Variants in CCT3 observed in about 807,000 individuals in gnomAD.
CCT3 encodes chaperonin containing TCP1 subunit 3.
A neutral mutation model predicts 65.3 loss-of-function variants in CCT3; 10 were observed. The ratio of observed to expected loss-of-function variants is 0.15; its 90% CI spans 0.09 to 0.26. The LOEUF is 0.26. Among genes scored for constraint, CCT3 ranks in the 10% least tolerant of loss-of-function variants. The probability of loss-of-function intolerance (pLI) is 1.00; values close to 1 mark genes in which losing one functional copy is unlikely to be tolerated. For synonymous variants in CCT3, 225 were observed against 242.3 expected (o/e 0.93, Z 0.66); for missense variants, 626 against 708.7 (o/e 0.88, Z 1.33).
intron 5 of CCT3, chr1:156,332,522 C>T (rs530886064): frequency 1.3e-5 from 2 of 152,298 alleles, no homozygotes; most frequent in African/African-American, 4.8e-5. Flanking sequence ...AATCAACATT[C>T]ATGACACTTT....
rs758871657 is a variant in CCT3, at chr1:156,319,001, A to G, written c.626T>C (p.Ile209Thr). The G allele has an allele frequency of 6.2e-7, 1 of 1,610,592 alleles. No individual in the cohort carries two copies. Residue 209 changes from isoleucine to threonine, a missense_variant, in exon 8 of 14, where the codon ATT becomes ACT. Physicochemically the swap from Ile to Thr is moderately conservative, Grantham distance 89. Transcript: ENST00000295688. ...TCCACGCAAGACACAGGAGTCTTCA[A>G]TGATGCCTCCAGGTATCTGAACAAA... ...ARVEKIPGGIIEDSCVLRGVM... is the reference protein window; with the variant it reads ...ARVEKIPGGITEDSCVLRGVM...
Position 156,317,431 on chromosome 1 carries a change from A to T in CCT3, c.876T>A (p.Thr292=). The change falls in exon 9 of 14, where the codon ACT becomes ACA. Residue 292 remains threonine (T), a synonymous_variant. Coordinates refer to ENST00000295688, the MANE Select transcript of CCT3 (RefSeq NM_005998.5). ...AAGTCCCACCTGAGATGCCCTTTTCAGTGATGACCACATCGGGCTTCAGTT... is the reference window on the plus strand; with the variant it reads ...AAGTCCCACCTGAGATGCCCTTTTCTGTGATGACCACATCGGGCTTCAGTT... ...IIQLKPDVVI[T]EKGISDLAQH... 6.2e-7 allele frequency: 1 copy of T among 1,611,504 alleles called. No homozygotes were observed. The highest frequency in any genetic ancestry group is 8.5e-7 in the Non-Finnish European group (1 of 1,177,818).
rs538321521 is a variant in CCT3 at position 156,328,992 on chromosome 1, G to A, written c.305-3903C>T. ...AAAAATAATCAAAAAATACAGTCAC[G>A]TACCATTTAATGTTTCAGCCAACAA... is the stretch of plus-strand genomic sequence containing the variant. On this transcript the variant is annotated intron_variant, in intron 5 of 13. Coordinates refer to ENST00000295688, the MANE Select transcript of CCT3 (RefSeq NM_005998.5). Among the ~76,000 whole-genome samples the A allele has an allele frequency of 7.9e-5, 12 of 152,186 alleles. No individual in the cohort carries two copies. In the South Asian group the frequency reaches 1.2e-3, roughly 16 times the overall value.
intron 8 of CCT3, among the ~76,000 whole-genome samples, chr1:156,318,224 ATTTTTTTT>A (rs58622068): frequency 7.7e-6 from 1 of 130,562 alleles, no homozygotes; most frequent in East Asian, 2.3e-4. Context: ...GCCCTCTAGA[ATTTTTTTT>A]TTTTTTTTTT....
intron 4 of CCT3, among the ~76,000 whole-genome samples, 158 bp downstream of exon 4, chr1:156,334,555 T>C (rs1262744432): frequency 1.3e-5 from 2 of 152,226 alleles, no homozygotes; most frequent in African/African-American, 4.8e-5. Context: ...TCTAGCTTCA[T>C]TCTATAAGAT....
At chr1:156,336,045 T>C (rs534324040) in intron 1 of CCT3, 157 bp from the exon 2 acceptor site, 20 of 530,478 alleles carry the variant, frequency 3.8e-5, no homozygotes, top group Admixed American at 6.9e-5. Flanking sequence ...TGCAGTTTAT[T>C]ATATGTCAAC....
At chr1:156,315,572 A>G (rs1351165865) in intron 10 of CCT3, among the ~76,000 whole-genome samples, 1 of 152,184 alleles carries the variant, frequency 6.6e-6, no homozygotes, top group Non-Finnish European at 1.5e-5. Context: ...AGTATATAAC[A>G]CATATGATAT....
intron 5 of CCT3, among the ~76,000 whole-genome samples, chr1:156,328,035 GA>G (rs1664915231): frequency 2.4e-4 from 1 of 4,110 alleles, no homozygotes; most frequent in African/African-American, 9.2e-4. Flanking sequence ...GTCCGGGAGG[GA>G]GGTGGGGGTC....
chr1:156,338,093 GA>G (rs1487446972), intron 1 of CCT3, 60 bp downstream of exon 1: 29 of 1,550,564 alleles, frequency 1.9e-5, no homozygotes, highest in Non-Finnish European at 2.4e-5. Flanking sequence ...GGGCAACACT[GA>G]AAAGTATGGA....
At position 156,333,596 on chromosome 1, in the gene CCT3, C is replaced by T. The variant is rs1263429945; in HGVS notation, c.255G>A (p.Arg85=). Residue 85 remains arginine, a synonymous_variant, in exon 5 of 14, where the codon CGG becomes CGA. Coordinates refer to ENST00000295688, the MANE Select transcript of CCT3 (RefSeq NM_005998.5). ...CATCTCCAACCTCTTCATCCTGGGT[C>T]CGGCTAATTTCGATCATGGACTTGG... The part of the protein sequence containing the change: ...PAAKSMIEIS[R]TQDEEVGDGT... 8 of 1,614,022 alleles carry T rather than the reference C, an allele frequency of 5.0e-6. No homozygotes were observed. Among genetic ancestry groups the T allele is most frequent in the Admixed American group, 3.3e-5 (2 of 60,010 alleles).
At chr1:156,311,362 T>C (rs1012011410) in intron 11 of CCT3, among the ~76,000 whole-genome samples, 167 bp from the exon 12 acceptor site, 1 of 152,176 alleles carries the variant, frequency 6.6e-6, no homozygotes, top group Non-Finnish European at 1.5e-5. Flanking sequence ...CCTGAGAATA[T>C]ATAACACACG....
rs1047105688 is a variant in CCT3, at chr1:156,333,768, T to C, written c.208-125A>G. 30 of 658,408 alleles carry C rather than the reference T, an allele frequency of 4.6e-5. No homozygotes were observed. In the South Asian group the frequency reaches 5.9e-4, roughly 13 times the overall value. The allele number at this position is 658,408 out of a possible 1,614,324, so 40.8% of individuals were successfully genotyped here. On this transcript the variant is annotated intron_variant, in intron 4 of 13. Transcript: ENST00000295688. Reference sequence around the variant, plus strand: ...ACTTTCCCTTTAATGTTTTACCATATCTTGAAAGATTAAAATTGGCACCCC... The same window carrying C: ...ACTTTCCCTTTAATGTTTTACCATACCTTGAAAGATTAAAATTGGCACCCC...
intron 2 of CCT3, chr1:156,335,402 T>C (rs1267345915): frequency 5.5e-6 from 1 of 182,120 alleles, no homozygotes; most frequent in Non-Finnish European, 1.1e-5. Context: ...TTTCTTTCCA[T>C]GACGGTGGCC....
intron 13 of CCT3, among the ~76,000 whole-genome samples, chr1:156,309,942 G>A (rs1337138815): frequency 1.3e-5 from 2 of 150,474 alleles, no homozygotes; most frequent in African/African-American, 4.9e-5. Flanking sequence ...GGAGGCTGAG[G>A]CAGGAGAATC....
chr1:156,313,362 A>AAAAGAG (rs1442504002), intron 10 of CCT3, among the ~76,000 whole-genome samples: 6 of 146,168 alleles, frequency 4.1e-5, no homozygotes, highest in African/African-American at 1.2e-4. Context: ...AAAAAAAAAA[A>AAAAGAG]AGAGAGAGAG....
chr1:156,321,894 ATATACCAAT>A (rs773735515), intron 6 of CCT3, among the ~76,000 whole-genome samples: 2 of 152,206 alleles, frequency 1.3e-5, no homozygotes, highest in Non-Finnish European at 2.9e-5. Flanking sequence ...AAGGCACATA[ATATACCAAT>A]TATTAAATGG....
Position 156,325,003 on chromosome 1 carries a change from C to T in CCT3, c.391G>A (p.Asp131Asn), listed in dbSNP as rs1393354859. 14 of 1,613,370 alleles carry T rather than the reference C, an allele frequency of 8.7e-6. No homozygotes were observed. The highest frequency in any genetic ancestry group is 1.2e-5 in the Non-Finnish European group (14 of 1,179,466). Residue 131 changes from aspartate (D) to asparagine (N), a missense_variant, in exon 6 of 14, where the codon GAT (aspartate) becomes AAT (asparagine). Physicochemically the swap from Asp to Asn is conservative, Grantham distance 23. Coordinates refer to ENST00000295688, the MANE Select transcript of CCT3 (RefSeq NM_005998.5). ...VVISAYRKALDDMISTLKKIS... is the reference protein window; with the variant it reads ...VVISAYRKALNDMISTLKKIS... ...TTCTTTAGGGTGCTGATCATATCAT[C>T]CAATGCCTTGCGGTAAGCACTGATC...
intron 13 of CCT3, among the ~76,000 whole-genome samples, chr1:156,309,919 T>G (rs963768153): frequency 6.7e-6 from 1 of 149,868 alleles, no homozygotes; most frequent in South Asian, 2.2e-4. Flanking sequence ...GCACCTGTAA[T>G]CCCAGCTACT....
chr1:156,319,560 G>A lies in CCT3; in HGVS notation c.610-543C>T, dbSNP rs114839245. ...CTGCTGAGACTCACTGAAATTCAAT[G>A]ACTTGACAAAAGACTTAGAGGGGCT... is the stretch of plus-strand genomic sequence containing the variant. On this transcript the variant is annotated intron_variant, in intron 7 of 13. Transcript: ENST00000295688. 8.5e-3 allele frequency among the ~76,000 whole-genome samples: 1,288 copies of A among 152,138 alleles called. 9 individuals are homozygous for A. The highest frequency in any genetic ancestry group is 0.027 in the Middle Eastern group (8 of 294).
Sources: gnomAD v4.1 joint callset for allele counts (sites outside exome capture counted in the v4.1 genomes callset) on GRCh38, gnomAD v4.1.1 for gene constraint, MANE v1.5 for transcripts, NCBI Gene and HGNC (gene_info 2026-07-23, HGNC 2026-07-21) for gene names.